Variants in DLGAP2 observed in about 807,000 individuals in gnomAD.
The protein encoded by DLGAP2 is disks large-associated protein 2.
In DLGAP2, 26 loss-of-function variants were observed where a neutral mutation model predicts 100.3. The observed-to-expected ratio is 0.26, with a 90% CI of 0.19 to 0.36. The LOEUF is 0.36. Ranked by LOEUF, DLGAP2 falls within the 10% of genes least tolerant of loss-of-function variation. The probability of loss-of-function intolerance (pLI) is 1.00; values close to 1 mark genes in which losing one functional copy is unlikely to be tolerated. For synonymous variants in DLGAP2, 886 were observed against 630.1 expected, an observed-to-expected ratio of 1.41 and a Z score of -6.08; for missense variants, 1,858 against 1,453.2, an observed-to-expected ratio of 1.28 and a Z score of -4.53.
chr8:1,082,204 C>T (rs1803834789), intron 2 of DLGAP2, among the ~76,000 whole-genome samples: 2 of 152,126 alleles, frequency 1.3e-5, no homozygotes, highest in Admixed American at 6.5e-5. Flanking sequence ...ATCTAGAACT[C>T]GAGTGGCAGG....
chr8:1,697,785 C>A (rs545095288), intron 14 of DLGAP2, among the ~76,000 whole-genome samples: 1 of 152,292 alleles, frequency 6.6e-6, no homozygotes, highest in Non-Finnish European at 1.5e-5. Flanking sequence ...CCTTATTGAA[C>A]CGTTTGATGA....
chr8:1,548,692 G>A lies in DLGAP2; in HGVS notation c.239G>A (p.Ser80Asn), dbSNP rs771346886. ...GAGCGCTACTCGCCCGCGCCCAGGA[G>A]CATGAAGGGCCTTTCCGGAAGTCGG... The part of the protein sequence containing the change: ...NEERYSPAPR[S>N]MKGLSGSRTQ... Residue 80 changes from serine to asparagine, a missense_variant, in exon 5 of 15, where the codon AGC becomes AAC. Physicochemically the swap from Ser to Asn is conservative, Grantham distance 46 (BLOSUM62 1). Transcript: ENST00000637795. 2 of 1,605,916 alleles carry A rather than the reference G, an allele frequency of 1.2e-6. No homozygotes were observed. Among genetic ancestry groups the A allele is most frequent in the African/African-American group, 2.7e-5 (2 of 74,648 alleles).
rs899933835 is a variant in DLGAP2 at position 737,646 on chromosome 8, G to C, written c.-162G>C. The C allele has an allele frequency of 5.7e-6, 2 of 351,518 alleles. No individual in the cohort carries two copies. The highest frequency in any genetic ancestry group is 1.0e-5 in the Non-Finnish European group (2 of 195,890). 21.8% of individuals were successfully genotyped at this position (351,518 alleles called of 1,614,324 possible). On this transcript the variant is annotated 5_prime_UTR_variant, in exon 1 of 15. Coordinates refer to ENST00000637795, the MANE Select transcript of DLGAP2 (RefSeq NM_001346810.2). Reference sequence around the variant, plus strand: ...GCCGTGAAGACCGACCGTGCGCCGGGCTCGAGCGCGGTCTGAGCGCGCGGC... The same window carrying C: ...GCCGTGAAGACCGACCGTGCGCCGGCCTCGAGCGCGGTCTGAGCGCGCGGC...
intron 6 of DLGAP2, among the ~76,000 whole-genome samples, chr8:1,577,849 C>A (rs1803054555): frequency 6.6e-6 from 1 of 152,198 alleles, no homozygotes; most frequent in African/African-American, 2.4e-5. Flanking sequence ...TCCTCCTCAA[C>A]CTGCCCCTGG....
intron 14 of DLGAP2, among the ~76,000 whole-genome samples, chr8:1,698,862 C>A (rs978159233): frequency 4.8e-5 from 7 of 146,932 alleles, no homozygotes; most frequent in African/African-American, 1.8e-4. Flanking sequence ...ATGTGTGGGA[C>A]TAGGCAGGTC....
chr8:835,158 G>C (rs138219273), intron 1 of DLGAP2, among the ~76,000 whole-genome samples: 1 of 152,252 alleles, frequency 6.6e-6, no homozygotes, highest in Non-Finnish European at 1.5e-5. Context: ...TCCTCGTCTG[G>C]TACTATGCAC....
chr8:1,472,125 G>C (rs1056479976), intron 3 of DLGAP2, among the ~76,000 whole-genome samples: 5 of 152,230 alleles, frequency 3.3e-5, no homozygotes, highest in Non-Finnish European at 7.3e-5. Flanking sequence ...CCCCTCCACA[G>C]TGAGAACGCA....
At position 934,995 on chromosome 8, in the gene DLGAP2, T is replaced by G. The variant is rs115444169; in HGVS notation, c.73+27029T>G. On this transcript the variant is annotated intron_variant, in intron 2 of 14. Coordinates refer to ENST00000637795, the MANE Select transcript of DLGAP2 (RefSeq NM_001346810.2). The stretch of plus-strand genomic sequence containing the variant: ...TTCCAAACCCTCTGAGTGTGATTTG[T>G]AGGAACGTGTATTACTCGGCTTCCG... Among the ~76,000 whole-genome samples, 1,138 of 152,274 alleles carry G rather than the reference T, an allele frequency of 7.5e-3. 12 individuals are homozygous for G. The highest frequency in any genetic ancestry group is 0.026 in the African/African-American group (1,072 of 41,534).
chr8:747,377 C>T (rs190711725), intron 1 of DLGAP2, among the ~76,000 whole-genome samples: 43 of 152,124 alleles, frequency 2.8e-4, no homozygotes, highest in Non-Finnish European at 5.3e-4. Context: ...GCGCCAGTCA[C>T]GCGATGGGCT....
At chr8:1,533,601 T>C (rs891486501) in intron 4 of DLGAP2, among the ~76,000 whole-genome samples, 4 of 152,194 alleles carry the variant, frequency 2.6e-5, no homozygotes, top group African/African-American at 4.8e-5. Context: ...TAAATTTAAA[T>C]TTTAAATTTT....
chr8:1,411,140 TC>T (rs1796719354), intron 3 of DLGAP2, among the ~76,000 whole-genome samples: 1 of 152,132 alleles, frequency 6.6e-6, no homozygotes, highest in African/African-American at 2.4e-5. Flanking sequence ...AAACCCAACA[TC>T]TCCTAATTAA....
intron 13 of DLGAP2, among the ~76,000 whole-genome samples, chr8:1,695,871 G>A (rs532822036): frequency 6.6e-6 from 1 of 152,340 alleles, no homozygotes; most frequent in Admixed American, 6.5e-5. Flanking sequence ...CACCCACAGA[G>A]GCTGAGTTCG....
At chr8:904,245 C>T (rs567281878) in intron 1 of DLGAP2, among the ~76,000 whole-genome samples, 1 of 152,280 alleles carries the variant, frequency 6.6e-6, no homozygotes, top group South Asian at 2.1e-4. Context: ...GCTGGCCAGG[C>T]GTGATGGCTC....
At chr8:1,684,845 G>A (rs147594466) in intron 12 of DLGAP2, among the ~76,000 whole-genome samples, 2,132 of 152,166 alleles carry the variant, frequency 0.014, 28 homozygotes, top group Non-Finnish European at 0.019. Context: ...TAATTCCATT[G>A]AGATGCAACT....
chr8:1,214,102 G>T (rs965790161), intron 2 of DLGAP2, among the ~76,000 whole-genome samples: 4 of 152,140 alleles, frequency 2.6e-5, no homozygotes, highest in South Asian at 2.1e-4. Context: ...ACCCTCCCCA[G>T]GGGGCCTTGC....
chr8:972,061 C>T (rs1200710434), intron 2 of DLGAP2, among the ~76,000 whole-genome samples: 2 of 152,138 alleles, frequency 1.3e-5, no homozygotes, highest in Non-Finnish European at 1.5e-5. Flanking sequence ...AAGAAGTCAT[C>T]TTGGGGAAAC....
At chr8:738,904 C>G (rs1352746576) in intron 1 of DLGAP2, 1 of 152,970 alleles carries the variant, frequency 6.5e-6, no homozygotes. Context: ...GGCGAGGGTG[C>G]GCGGCGGGTC....
At position 980,032 on chromosome 8, in the gene DLGAP2, T is replaced by C. The variant is rs1381685215; in HGVS notation, c.73+72066T>C. 2.0e-5 allele frequency among the ~76,000 whole-genome samples: 3 copies of C among 152,088 alleles called. No homozygotes were observed. In the East Asian group the frequency reaches 5.8e-4, roughly 29 times the overall value. ...GACTTGGCAACTGTTCAAAGGTGGA[T>C]TTGTGGAAGTTTTGGCTTCAGTGAC... On this transcript the variant is annotated intron_variant, in intron 2 of 14. Transcript: ENST00000637795.
At chr8:1,025,126 G>A (rs1226811399) in intron 2 of DLGAP2, among the ~76,000 whole-genome samples, 8 of 151,704 alleles carry the variant, frequency 5.3e-5, no homozygotes, top group Admixed American at 2.0e-4. Context: ...GTGCATGTGC[G>A]TGTGCATGTG....
Sources: gnomAD v4.1 joint callset for allele counts (sites outside exome capture counted in the v4.1 genomes callset) on GRCh38, gnomAD v4.1.1 for gene constraint, MANE v1.5 for transcripts, NCBI Gene and HGNC (gene_info 2026-07-23, HGNC 2026-07-21) for gene names.